Variants in SGPP2 observed in about 807,000 individuals in gnomAD.
SGPP2 encodes sphingosine-1-phosphate phosphatase 2.
A neutral mutation model predicts 33.9 loss-of-function variants in SGPP2; 30 were observed. The ratio of observed to expected loss-of-function variants is 0.89; its 90% CI spans 0.66 to 1.20. The LOEUF (loss-of-function observed/expected upper bound fraction) is 1.20, where lower values mean the gene tolerates loss of function less well. Among genes scored for constraint, SGPP2 ranks in the 50% most tolerant of loss-of-function variants. The pLI is 0.00. For missense variants in SGPP2, 458 were observed against 532.1 expected (o/e 0.86, Z 1.37); for synonymous variants, 233 against 225.0 (o/e 1.04, Z -0.32).
rs558095413 is a variant in SGPP2 at position 222,440,919 on chromosome 2, T to C, written c.219+16098T>C. On this transcript the variant is annotated intron_variant, in intron 1 of 4. Transcript: ENST00000321276. ...GAGCCATCTGAGATCTACACTCCCT[T>C]CTACTTTTTCACACATTTCATGCCT... is the stretch of plus-strand genomic sequence containing the variant. Among the ~76,000 whole-genome samples, 8 of 152,348 alleles carry C rather than the reference T, an allele frequency of 5.3e-5. No individual in the cohort carries two copies. The East Asian group carries it at 1.5e-3, about 29-fold the overall frequency.
At chr2:222,488,510 C>T (rs1010295083) in intron 2 of SGPP2, among the ~76,000 whole-genome samples, 1 of 152,210 alleles carries the variant, frequency 6.6e-6, no homozygotes, top group Non-Finnish European at 1.5e-5. Context: ...TCCCTCACCC[C>T]TATCTGCAGA....
intron 1 of SGPP2, among the ~76,000 whole-genome samples, chr2:222,466,990 T>C (rs16863718): frequency 0.016 from 2,488 of 152,282 alleles, 68 homozygotes; most frequent in African/African-American, 0.057. Flanking sequence ...GGTTTGTCAC[T>C]GGCATTTTAA....
At position 222,445,494 on chromosome 2, in the gene SGPP2, A is replaced by T. The variant is rs184272656; in HGVS notation, c.219+20673A>T. On this transcript the variant is annotated intron_variant, in intron 1 of 4. Transcript: ENST00000321276. ...CACCAGTTGCTTGACCCACATAGGC[A>T]TTTCAATTCATGACTCCTGGCCTAG... is the stretch of plus-strand genomic sequence containing the variant. Among the ~76,000 whole-genome samples, 597 of 152,272 alleles carry T rather than the reference A, an allele frequency of 3.9e-3. 2 individuals carry two copies. Among genetic ancestry groups the T allele is most frequent in the African/African-American group, 0.014 (569 of 41,546 alleles).
At chr2:222,478,873 G>A (rs1697989140) in intron 2 of SGPP2, among the ~76,000 whole-genome samples, 1 of 152,070 alleles carries the variant, frequency 6.6e-6, no homozygotes, top group South Asian at 2.1e-4. Context: ...GCTTTTATAG[G>A]CATCTATGTT....
intron 2 of SGPP2, among the ~76,000 whole-genome samples, chr2:222,508,933 G>T (rs757521293): frequency 6.6e-6 from 1 of 151,952 alleles, no homozygotes; most frequent in African/African-American, 2.4e-5. Context: ...AGCAAAAAAA[G>T]CAAAAAAGCT....
intron 2 of SGPP2, chr2:222,504,269 G>A (rs2106120250): frequency 6.6e-6 from 1 of 152,424 alleles, no homozygotes; most frequent in African/African-American, 2.4e-5. Context: ...AATGACCACT[G>A]ACATGACACT....
chr2:222,471,166 C>A (rs548388526), intron 1 of SGPP2, among the ~76,000 whole-genome samples: 2 of 152,168 alleles, frequency 1.3e-5, no homozygotes, highest in Admixed American at 1.3e-4. Context: ...GTACTTACCC[C>A]TGACCAGTAA....
chr2:222,504,088 A>T (rs923682307), intron 2 of SGPP2: 1 of 152,132 alleles, frequency 6.6e-6, no homozygotes, highest in African/African-American at 2.4e-5. Context: ...TGCTTGCTTC[A>T]TTGCCTCCTT....
chr2:222,483,161 A>G lies in SGPP2; in HGVS notation c.378+8435A>G, dbSNP rs538124396. Among the ~76,000 whole-genome samples, 13 of 152,330 alleles carry G rather than the reference A, an allele frequency of 8.5e-5. No homozygotes were observed. The East Asian group carries it at 2.1e-3, about 25-fold the overall frequency. On this transcript the variant is annotated intron_variant, in intron 2 of 4. Coordinates refer to ENST00000321276, the MANE Select transcript of SGPP2 (RefSeq NM_152386.4). ...TTTACTTATTTTGTCTTGTGTTTTGAATCACCTCAGTATGAGACAGTACAC... is the reference window on the plus strand; with the variant it reads ...TTTACTTATTTTGTCTTGTGTTTTGGATCACCTCAGTATGAGACAGTACAC...
chr2:222,471,723 C>T (rs1488850796), intron 1 of SGPP2, among the ~76,000 whole-genome samples: 1 of 152,018 alleles, frequency 6.6e-6, no homozygotes, highest in Non-Finnish European at 1.5e-5. Flanking sequence ...AACAAAAATC[C>T]AGATCTCTAA....
At position 222,539,805 on chromosome 2, in the gene SGPP2, T is replaced by G. The variant is rs552050121; in HGVS notation, c.648+14772T>G. On this transcript the variant is annotated intron_variant, in intron 4 of 4. Coordinates refer to ENST00000321276, the MANE Select transcript of SGPP2 (RefSeq NM_152386.4). ...ATCTTTCCAACATCTTCAGTTCAGG[T>G]GGGAGGTAGAAATGGATACCTAACA... 1.6e-4 allele frequency among the ~76,000 whole-genome samples: 24 copies of G among 152,300 alleles called. No homozygotes were observed. The South Asian group carries it at 5.0e-3, about 32-fold the overall frequency.
chr2:222,481,387 TA>T, intron 2 of SGPP2, among the ~76,000 whole-genome samples: 1 of 152,364 alleles, frequency 6.6e-6, no homozygotes, highest in African/African-American at 2.4e-5. Flanking sequence ...TGTATTTTTT[TA>T]AAAGGGGCTT....
At chr2:222,526,463 G>A (rs1698760601) in intron 4 of SGPP2, among the ~76,000 whole-genome samples, 2 of 152,106 alleles carry the variant, frequency 1.3e-5, no homozygotes, top group Admixed American at 1.3e-4. Context: ...GAGGGGAGGA[G>A]GGCGTTCTCT....
chr2:222,445,724 A>G (rs1697388801), intron 1 of SGPP2, among the ~76,000 whole-genome samples: 1 of 152,182 alleles, frequency 6.6e-6, no homozygotes, highest in Admixed American at 6.5e-5. Flanking sequence ...ATGACCAGCA[A>G]TTAGGTGTGA....
chr2:222,498,280 C>T (rs1414506083), intron 2 of SGPP2: 2 of 152,158 alleles, frequency 1.3e-5, no homozygotes, highest in African/African-American at 4.8e-5. Flanking sequence ...ATGCTATTAA[C>T]ATTAATTACT....
intron 4 of SGPP2, among the ~76,000 whole-genome samples, chr2:222,556,120 A>G (rs919340103): frequency 6.6e-6 from 1 of 152,184 alleles, no homozygotes; most frequent in African/African-American, 2.4e-5. Flanking sequence ...AGAGTGGCGT[A>G]TCATCTGAGT....
intron 4 of SGPP2, among the ~76,000 whole-genome samples, chr2:222,547,074 A>G (rs748319262): frequency 5.9e-5 from 9 of 152,226 alleles, no homozygotes; most frequent in Non-Finnish European, 1.2e-4. Flanking sequence ...GAAACAGTGT[A>G]GATGCACATC....
rs1697727138 is a variant in SGPP2, at chr2:222,465,209, C to T, written c.220-9359C>T. Reference sequence around the variant, plus strand: ...CTTACATTTTATTGACTTTCAGTCTCGCCATCCTGAAATTTTAATCACCTG... The same window carrying T: ...CTTACATTTTATTGACTTTCAGTCTTGCCATCCTGAAATTTTAATCACCTG... On this transcript the variant is annotated intron_variant, in intron 1 of 4. Coordinates refer to ENST00000321276, the MANE Select transcript of SGPP2 (RefSeq NM_152386.4). The surrounding 1 kb of genome is among the most constrained non-coding windows in gnomAD (Gnocchi z 4.1). Among the ~76,000 whole-genome samples, 1 of 152,132 alleles carries T rather than the reference C, an allele frequency of 6.6e-6. No homozygotes were observed. The highest frequency in any genetic ancestry group is 2.1e-4 in the South Asian group (1 of 4,826).
rs1193408856 is a variant in SGPP2, at chr2:222,559,167, C to CTG, written c.*269_*270insTG. 3.9e-5 allele frequency: 4 copies of CTG among 103,216 alleles called. 2 individuals carry two copies. The highest frequency in any genetic ancestry group is 2.2e-4 in the African/African-American group (4 of 17,980). The allele number at this position is 103,216 out of a possible 1,614,324, so 6.4% of individuals were successfully genotyped here. A position where few individuals can be genotyped will look rare whatever the true frequency, so the allele number is the denominator to read the frequency against. On this transcript the variant is annotated 3_prime_UTR_variant, in exon 5 of 5. Transcript: ENST00000321276. ...CTTTAAAGGCACACACCGCGCCCCCCCCCCCCCCGCCCGGCCCCTGCTCCT... is the reference window on the plus strand; with the variant it reads ...CTTTAAAGGCACACACCGCGCCCCCCTGCCCCCCCCGCCCGGCCCCTGCTCCT...
Sources: gnomAD v4.1 joint callset for allele counts (sites outside exome capture counted in the v4.1 genomes callset) on GRCh38, gnomAD v4.1.1 for gene constraint, Gnocchi (gnomAD v3.1) non-coding constraint, MANE v1.5 for transcripts, NCBI Gene and HGNC (gene_info 2026-07-23, HGNC 2026-07-21) for gene names.